DTNBP1: variants seen among roughly 807,000 people sequenced by gnomAD.
DTNBP1 encodes dystrobrevin binding protein 1.
DTNBP1 carries 35 observed loss-of-function variants against 42.8 expected under a neutral mutation model. That is an observed-to-expected ratio of 0.82 (90% CI 0.63 to 1.09). The LOEUF (loss-of-function observed/expected upper bound fraction) is 1.09. DTNBP1 is among the 50% of genes least tolerant of loss of function. The probability of loss-of-function intolerance (pLI) is 0.00; values close to 1 mark genes in which losing one functional copy is unlikely to be tolerated. For synonymous variants in DTNBP1, 171 were observed against 162.2 expected (o/e 1.05, Z -0.41); for missense variants, 457 against 424.2 (o/e 1.08, Z -0.68).
chr6:15,529,241 C>T (rs1581698601), intron 8 of DTNBP1, among the ~76,000 whole-genome samples: 1 of 152,138 alleles, frequency 6.6e-6, no homozygotes, highest in Non-Finnish European at 1.5e-5. Flanking sequence ...GCTATGACCA[C>T]GCCACTGCAC....
chr6:15,622,512 T>A (rs1759097824), intron 5 of DTNBP1, among the ~76,000 whole-genome samples: 1 of 152,254 alleles, frequency 6.6e-6, no homozygotes. Context: ...CACAGCCTGC[T>A]CATTTCCTGT....
At position 15,522,879 on chromosome 6, in the gene DTNBP1, C is replaced by G; in HGVS notation, c.*96G>C. 4.4e-6 allele frequency: 7 copies of G among 1,603,658 alleles called. No individual in the cohort carries two copies. The South Asian group carries it at 6.7e-5, about 15-fold the overall frequency. The stretch of plus-strand genomic sequence containing the variant: ...ACATTATTGGCAATTATGTAAAAAT[C>G]AAGAACCTCTATAAAACAACCTGGC... On this transcript the variant is annotated 3_prime_UTR_variant, in exon 10 of 10. Coordinates refer to ENST00000344537, the MANE Select transcript of DTNBP1 (RefSeq NM_032122.5).
chr6:15,526,876 C>A (rs1383729923), intron 8 of DTNBP1, among the ~76,000 whole-genome samples: 2 of 152,116 alleles, frequency 1.3e-5, no homozygotes, highest in Non-Finnish European at 2.9e-5. Flanking sequence ...AATTCTGTAG[C>A]AACAAATAAG....
chr6:15,528,477 T>C (rs1772573572), intron 8 of DTNBP1, among the ~76,000 whole-genome samples: 1 of 152,192 alleles, frequency 6.6e-6, no homozygotes, highest in Admixed American at 6.5e-5. Context: ...CAACACTTGA[T>C]GACTAAGTAG....
Position 15,524,560 on chromosome 6 carries a change from T to C in DTNBP1, c.777A>G (p.Gly259=), listed in dbSNP as rs368455603. 19 of 1,610,636 alleles carry C rather than the reference T, an allele frequency of 1.2e-5. No individual in the cohort carries two copies. In the East Asian group the frequency reaches 2.2e-4, roughly 19 times the overall value. Residue 259 remains glycine, a synonymous_variant, in exon 9 of 10, where the codon GGA becomes GGG. Coordinates refer to ENST00000344537, the MANE Select transcript of DTNBP1 (RefSeq NM_032122.5). ...GGGACAGCACAGTGTTCTCTTCTCCTCCAGAGTTCAGGAAGACGTCCAGGG... is the reference window on the plus strand; with the variant it reads ...GGGACAGCACAGTGTTCTCTTCTCCCCCAGAGTTCAGGAAGACGTCCAGGG... ...QEALDVFLNS[G]GEENTVLSPA... is the part of the protein sequence containing the mutation.
intron 2 of DTNBP1, among the ~76,000 whole-genome samples, chr6:15,651,886 C>G (rs1761020732): frequency 6.6e-6 from 1 of 152,094 alleles, no homozygotes; most frequent in Non-Finnish European, 1.5e-5. Flanking sequence ...AACAATTATA[C>G]TTCACCATTT....
chr6:15,523,939 C>T lies in DTNBP1; in HGVS notation c.811+587G>A, dbSNP rs566017280. On this transcript the variant is annotated intron_variant, in intron 9 of 9. Transcript: ENST00000344537. The stretch of plus-strand genomic sequence containing the variant: ...TGGGACGACTGAGCTTTGCCTTGAC[C>T]CAGCCCAAAGAACTGGTCTGAAATT... 7.0e-6 allele frequency: 9 copies of T among 1,287,332 alleles called. No individual in the cohort carries two copies. The African/African-American group carries it at 9.1e-5, about 13-fold the overall frequency. The allele number at this position is 1,287,332 out of a possible 1,614,324, so 79.7% of individuals were successfully genotyped here.
At chr6:15,557,824 A>G (rs1220361305) in intron 7 of DTNBP1, among the ~76,000 whole-genome samples, 1 of 152,156 alleles carries the variant, frequency 6.6e-6, no homozygotes, top group Non-Finnish European at 1.5e-5. Context: ...ATTCTATTTT[A>G]TAATATCAAA....
chr6:15,586,382 T>C (rs1256975933), intron 7 of DTNBP1, among the ~76,000 whole-genome samples: 1 of 152,136 alleles, frequency 6.6e-6, no homozygotes, highest in Non-Finnish European at 1.5e-5. Flanking sequence ...TTTTTCCTTT[T>C]TGAAAATAGT....
intron 7 of DTNBP1, among the ~76,000 whole-genome samples, chr6:15,541,466 T>C (rs1343818809): frequency 1.3e-5 from 2 of 152,220 alleles, no homozygotes; most frequent in African/African-American, 4.8e-5. Flanking sequence ...CCATTTATTA[T>C]ACTGGGGAAA....
At chr6:15,586,428 A>G (rs1011013144) in intron 7 of DTNBP1, among the ~76,000 whole-genome samples, 1 of 152,026 alleles carries the variant, frequency 6.6e-6, no homozygotes, top group African/African-American at 2.4e-5. Context: ...TCCCCTCTGA[A>G]TCACAGCTCC....
intron 5 of DTNBP1, among the ~76,000 whole-genome samples, chr6:15,620,380 G>A (rs1209593179): frequency 6.6e-6 from 1 of 152,024 alleles, no homozygotes; most frequent in Non-Finnish European, 1.5e-5. Context: ...TTGTAGAGAC[G>A]AGACCTCACT....
At chr6:15,532,697 C>CTTTTTTTTTTTTTT (rs373480713) in intron 8 of DTNBP1, among the ~76,000 whole-genome samples, 6 of 93,100 alleles carry the variant, frequency 6.4e-5, no homozygotes, top group African/African-American at 8.9e-5. Flanking sequence ...TGTTTGTAAT[C>CTTTTTTTTTTTTTT]TTTTTTTTTT....
intron 7 of DTNBP1, 145 bp from the exon 8 acceptor site, chr6:15,533,540 G>C (rs1030767949): frequency 7.3e-7 from 1 of 1,366,048 alleles, no homozygotes; most frequent in Non-Finnish European, 1.0e-6. Flanking sequence ...TGCGTGTACA[G>C]CTGGCCTCCT....
intron 1 of DTNBP1, among the ~76,000 whole-genome samples, chr6:15,661,541 G>C (rs1401799769): frequency 6.6e-6 from 1 of 151,920 alleles, no homozygotes; most frequent in African/African-American, 2.4e-5. Context: ...AGCTACTCAG[G>C]AGGTGGAGCC....
intron 7 of DTNBP1, among the ~76,000 whole-genome samples, chr6:15,535,016 G>A (rs1470393764): frequency 6.6e-6 from 1 of 152,218 alleles, no homozygotes; most frequent in Admixed American, 6.5e-5. Context: ...CTCAAGGCAC[G>A]TGATATGGTT....
intron 8 of DTNBP1, among the ~76,000 whole-genome samples, chr6:15,532,073 G>T (rs1350777382): frequency 6.6e-6 from 1 of 152,230 alleles, no homozygotes; most frequent in Non-Finnish European, 1.5e-5. Flanking sequence ...AAGGATGAAG[G>T]CTGAGATTTG....
chr6:15,608,983 T>C, intron 6 of DTNBP1, among the ~76,000 whole-genome samples: 1 of 152,190 alleles, frequency 6.6e-6, no homozygotes, highest in Non-Finnish European at 1.5e-5. Context: ...ACAACTTCCT[T>C]ATGTTATTTC....
intron 7 of DTNBP1, among the ~76,000 whole-genome samples, chr6:15,573,940 C>T (rs1209124890): frequency 2.0e-5 from 3 of 152,060 alleles, no homozygotes; most frequent in Non-Finnish European, 2.9e-5. Flanking sequence ...CTCCTGACCT[C>T]GTGATCCACC....
Sources: allele counts gnomAD v4.1 joint callset (sites outside exome capture counted in the v4.1 genomes callset), GRCh38; gene constraint gnomAD v4.1.1; transcripts MANE v1.5; gene names NCBI Gene and HGNC (gene_info 2026-07-23, HGNC 2026-07-21).